The following PRELID2 variants were observed in gnomAD, a reference collection of about 807,000 sequenced individuals.
The protein encoded by PRELID2 is PRELI domain containing 2.
In PRELID2, 25 loss-of-function variants were observed where a neutral mutation model predicts 28.4. The observed-to-expected ratio is 0.88, with a 90% CI of 0.64 to 1.23. The LOEUF is 1.23. PRELID2 is among the 50% of genes most tolerant of loss of function. The probability of loss-of-function intolerance (pLI) is 0.00; values close to 1 mark genes in which losing one functional copy is unlikely to be tolerated. For synonymous variants in PRELID2, 76 were observed against 71.6 expected (o/e 1.06, Z -0.31); for missense variants, 201 against 214.4 (o/e 0.94, Z 0.39).
rs200128427 is a variant in PRELID2, at chr5:145,759,876, A to T, written c.*660T>A. ...AAACTGCCTTCCCACTCTTCATTTC[A>T]TTTTTTTTTTTCCAGAGGACCAAAT... is the stretch of plus-strand genomic sequence containing the variant. On this transcript the variant is annotated 3_prime_UTR_variant, in exon 7 of 7. Coordinates refer to ENST00000683046, the MANE Select transcript of PRELID2 (RefSeq NM_205846.3). 1 of 140,346 alleles carries T rather than the reference A, an allele frequency of 7.1e-6. No individual in the cohort carries two copies. Among genetic ancestry groups the T allele is most frequent in the Non-Finnish European group, 1.5e-5 (1 of 66,470 alleles). 8.7% of individuals were successfully genotyped at this position (140,346 alleles called of 1,614,324 possible).
At chr5:145,444,950 A>G in the PRELID2 span, among the ~76,000 whole-genome samples, 2 of 152,030 alleles carry the variant, frequency 1.3e-5, no homozygotes, top group East Asian at 3.9e-4. Context: ...AAATGACCAT[A>G]TTACCCAAGC....
At chr5:145,309,246 C>T in the PRELID2 span, among the ~76,000 whole-genome samples, 6 of 152,024 alleles carry the variant, frequency 3.9e-5, no homozygotes, top group Non-Finnish European at 7.4e-5. Flanking sequence ...GTTCTTGAAG[C>T]TCAAAAGAGA....
chr5:145,518,471 T>C (rs2126647538), intron 1 of PRELID2, among the ~76,000 whole-genome samples: 1 of 152,308 alleles, frequency 6.6e-6, no homozygotes, highest in South Asian at 2.1e-4. Flanking sequence ...GGGCTGGGAT[T>C]ACAGGCGTGA....
the PRELID2 span, among the ~76,000 whole-genome samples, chr5:145,269,920 A>G: frequency 6.7e-6 from 1 of 149,624 alleles, no homozygotes; most frequent in Non-Finnish European, 1.5e-5. Context: ...ACATATATAT[A>G]CTATAATTAA....
intron 1 of PRELID2, among the ~76,000 whole-genome samples, chr5:145,583,857 A>G (rs1753129269): frequency 6.6e-6 from 1 of 152,190 alleles, no homozygotes; most frequent in African/African-American, 2.4e-5. Flanking sequence ...GAAAATGGCC[A>G]TACTGCTCAA....
intron 1 of PRELID2, among the ~76,000 whole-genome samples, chr5:145,740,260 T>A (rs2149735511): frequency 1.1e-5 from 1 of 95,160 alleles, no homozygotes; most frequent in African/African-American, 3.9e-5. Flanking sequence ...TGACAGGATT[T>A]ATCAAATATA....
intron 1 of PRELID2, among the ~76,000 whole-genome samples, chr5:145,574,484 C>T (rs1753043828): frequency 6.6e-6 from 1 of 152,218 alleles, no homozygotes; most frequent in Non-Finnish European, 1.5e-5. Flanking sequence ...TGCTGCCCCA[C>T]TCTGAGGTGA....
At chr5:145,323,179 GAA>G in the PRELID2 span, among the ~76,000 whole-genome samples, 1 of 143,374 alleles carries the variant, frequency 7.0e-6, no homozygotes. Context: ...CAGCAGAGGG[GAA>G]AAAAAAAAAA....
At chr5:145,490,143 A>T (rs182386234) in intron 1 of PRELID2, among the ~76,000 whole-genome samples, 1 of 152,330 alleles carries the variant, frequency 6.6e-6, no homozygotes, top group Admixed American at 6.5e-5. Context: ...ATTTTGTATG[A>T]TTTGATTGAT....
chr5:145,539,190 G>A (rs1177975442), intron 1 of PRELID2, among the ~76,000 whole-genome samples: 5 of 151,980 alleles, frequency 3.3e-5, no homozygotes, highest in African/African-American at 9.7e-5. Context: ...GGTATGAGGA[G>A]TAAACACACC....
intron 1 of PRELID2, among the ~76,000 whole-genome samples, chr5:145,650,531 C>CATATATATATATAT (rs56324486): frequency 4.4e-5 from 3 of 68,730 alleles, no homozygotes; most frequent in Non-Finnish European, 8.2e-5. Flanking sequence ...CACATATATA[C>CATATATATATATAT]ATATATATAT....
chr5:145,322,527 A>G, the PRELID2 span, among the ~76,000 whole-genome samples: 3 of 152,288 alleles, frequency 2.0e-5, no homozygotes, highest in South Asian at 2.1e-4. Context: ...ACACATTTCT[A>G]TGTTAGTGTA....
chr5:145,430,975 A>G, the PRELID2 span, among the ~76,000 whole-genome samples: 1 of 144,268 alleles, frequency 6.9e-6, no homozygotes, highest in Non-Finnish European at 1.5e-5. Flanking sequence ...AACAAATTAC[A>G]TCAAACTCTG....
the PRELID2 span, among the ~76,000 whole-genome samples, chr5:145,389,170 C>T: frequency 6.6e-6 from 1 of 152,130 alleles, no homozygotes; most frequent in Non-Finnish European, 1.5e-5. Flanking sequence ...AACCATGCTA[C>T]ATATTCTGTC....
chr5:145,534,390 T>C (rs1752682237), intron 1 of PRELID2, among the ~76,000 whole-genome samples: 1 of 152,070 alleles, frequency 6.6e-6, no homozygotes, highest in Non-Finnish European at 1.5e-5. Context: ...ACTATTTCAC[T>C]TTGCTGAGCC....
At chr5:145,639,927 A>G (rs905256265) in intron 1 of PRELID2, among the ~76,000 whole-genome samples, 12 of 152,286 alleles carry the variant, frequency 7.9e-5, no homozygotes, top group Admixed American at 7.8e-4. Flanking sequence ...AGCTGATGAG[A>G]AGTGCCCCCT....
chr5:145,702,774 C>T (rs1035917466), intron 1 of PRELID2, among the ~76,000 whole-genome samples: 2 of 152,070 alleles, frequency 1.3e-5, no homozygotes, highest in African/African-American at 2.4e-5. Flanking sequence ...TTAAGTGATA[C>T]AGACTAATCA....
At position 145,522,467 on chromosome 5, in the gene PRELID2, G is replaced by A. The variant is rs1752571411; in HGVS notation, n.71-49152C>T. On this transcript the variant is annotated intron_variant and non_coding_transcript_variant, in intron 1 of 2. Coordinates refer to the PRELID2 transcript ENST00000510259. The stretch of plus-strand genomic sequence containing the variant: ...AGAGAGACAGAGAGAGAGAAAATGA[G>A]AGAGGCACAGAGAGACAGAGAAGAG... Among the ~76,000 whole-genome samples the A allele has an allele frequency of 2.6e-5, 4 of 152,178 alleles. No homozygotes were observed. The South Asian group carries it at 6.2e-4, about 24-fold the overall frequency.
At chr5:145,627,705 TAAC>T (rs1025560874) in intron 1 of PRELID2, among the ~76,000 whole-genome samples, 2 of 152,188 alleles carry the variant, frequency 1.3e-5, no homozygotes, top group Admixed American at 6.5e-5. Flanking sequence ...TTCTACTACA[TAAC>T]AACTCTAATC....
Sources: gnomAD v4.1 joint callset for allele counts (sites outside exome capture counted in the v4.1 genomes callset) on GRCh38, gnomAD v4.1.1 for gene constraint, MANE v1.5 for transcripts, NCBI Gene and HGNC (gene_info 2026-07-23, HGNC 2026-07-21) for gene names.